The following CEP128 variants were observed in gnomAD, a reference collection of about 807,000 sequenced individuals.
CEP128 encodes the protein centrosomal protein 128kDa.
CEP128 carries 132 observed loss-of-function variants against 156.7 expected under a neutral mutation model. The ratio of observed to expected loss-of-function variants is 0.84; its 90% CI spans 0.73 to 0.97. CEP128 has a LOEUF of 0.97. Among genes scored for constraint, CEP128 ranks in the 50% least tolerant of loss-of-function variants. The pLI is 0.00. For synonymous variants in CEP128, 469 were observed against 448.9 expected, an observed-to-expected ratio of 1.04 and a Z score of -0.57; for missense variants, 1,252 against 1,281.9, an observed-to-expected ratio of 0.98 and a Z score of 0.36.
chr14:80,564,853 G>A (rs549775705), intron 20 of CEP128, among the ~76,000 whole-genome samples: 1 of 152,284 alleles, frequency 6.6e-6, no homozygotes, highest in South Asian at 2.1e-4. Context: ...GAGATCAGGA[G>A]TCTGAGACGA....
intron 2 of CEP128, 58 bp from the exon 3 acceptor site, chr14:80,916,620 AC>A: frequency 7.4e-7 from 1 of 1,345,478 alleles, no homozygotes; most frequent in South Asian, 1.3e-5. Context: ...GAAATAAAAG[AC>A]TAATACAACA....
intron 21 of CEP128, among the ~76,000 whole-genome samples, chr14:80,540,197 A>ACGC (rs1555372594): frequency 8.1e-6 from 1 of 124,192 alleles, no homozygotes; most frequent in East Asian, 2.6e-4. Context: ...CTGTTCTTAC[A>ACGC]CCCCCCCCCC....
chr14:80,953,881 A>G (rs1205604444), intron 2 of CEP128, among the ~76,000 whole-genome samples: 1 of 152,178 alleles, frequency 6.6e-6, no homozygotes, highest in Non-Finnish European at 1.5e-5. Flanking sequence ...GAATAATTAC[A>G]TATAAATACG....
chr14:80,484,298 C>G (rs1170378690), intron 14 of CEP128, among the ~76,000 whole-genome samples: 1 of 152,100 alleles, frequency 6.6e-6, no homozygotes, highest in Admixed American at 6.5e-5. Context: ...CTTATTTATA[C>G]AAATTTTTCT....
chr14:80,506,409 T>TA (rs566453923), intron 23 of CEP128, among the ~76,000 whole-genome samples: 1,023 of 64,380 alleles, frequency 0.016, 20 homozygotes, highest in African/African-American at 0.031. Context: ...AGCTTTGATT[T>TA]ATTTTTTTTT....
intron 19 of CEP128, among the ~76,000 whole-genome samples, chr14:80,691,633 T>C (rs1178181048): frequency 6.6e-6 from 1 of 152,076 alleles, no homozygotes; most frequent in Non-Finnish European, 1.5e-5. Flanking sequence ...CAAAGAAGAA[T>C]GAAAAGTAAC....
chr14:80,750,848 T>C (rs1223024625), intron 18 of CEP128, among the ~76,000 whole-genome samples: 2 of 152,210 alleles, frequency 1.3e-5, no homozygotes, highest in East Asian at 3.8e-4. Flanking sequence ...AGACTTCATA[T>C]GTTGAAGCTC....
chr14:80,790,703 A>G (rs1444979693), intron 14 of CEP128, among the ~76,000 whole-genome samples: 1 of 152,164 alleles, frequency 6.6e-6, no homozygotes, highest in Non-Finnish European at 1.5e-5. Context: ...AGCAGGAAAA[A>G]AGAAATAAAT....
At chr14:80,915,760 A>C (rs1278452885) in intron 3 of CEP128, among the ~76,000 whole-genome samples, 7 of 152,144 alleles carry the variant, frequency 4.6e-5, no homozygotes, top group Non-Finnish European at 7.3e-5. Context: ...TACTGGTTTC[A>C]CTCTCACGAT....
At chr14:80,622,887 G>T (rs1390995087) in intron 19 of CEP128, among the ~76,000 whole-genome samples, 2 of 150,352 alleles carry the variant, frequency 1.3e-5, no homozygotes, top group African/African-American at 4.9e-5. Context: ...CAACCATTGT[G>T]GAAGTCAGTG....
chr14:80,752,325 A>G (rs1027147756), intron 18 of CEP128, among the ~76,000 whole-genome samples: 5 of 152,224 alleles, frequency 3.3e-5, no homozygotes, highest in Non-Finnish European at 5.9e-5. Context: ...TAGAAATGCA[A>G]AAGTCAAATA....
chr14:80,566,685 G>A (rs895914160), intron 20 of CEP128, among the ~76,000 whole-genome samples: 2 of 152,190 alleles, frequency 1.3e-5, no homozygotes, highest in Admixed American at 6.5e-5. Context: ...AATACTCCAG[G>A]ATGGGTGGCA....
intron 19 of CEP128, among the ~76,000 whole-genome samples, chr14:80,723,213 C>T (rs773227579): frequency 4.6e-5 from 7 of 152,052 alleles, no homozygotes; most frequent in Non-Finnish European, 1.0e-4. Flanking sequence ...TATAAAAATG[C>T]CAGAATCCTT....
chr14:80,737,563 T>G (rs2139566682), intron 19 of CEP128, among the ~76,000 whole-genome samples: 1 of 152,208 alleles, frequency 6.6e-6, no homozygotes, highest in East Asian at 1.9e-4. Context: ...ATTGAACTTC[T>G]GAACAAGCTG....
chr14:80,839,054 G>A lies in CEP128; in HGVS notation c.850-776C>T, dbSNP rs568437668. 4.9e-4 allele frequency among the ~76,000 whole-genome samples: 75 copies of A among 152,176 alleles called. 1 individual carries two copies. The highest frequency in any genetic ancestry group is 1.5e-3 in the African/African-American group (62 of 41,524). Reference sequence around the variant, plus strand: ...GCAGAGCTTGCAGTGAGCCGAAATCGCGCCACTGCACTCCAGCCTGGGCAA... The same window carrying A: ...GCAGAGCTTGCAGTGAGCCGAAATCACGCCACTGCACTCCAGCCTGGGCAA... On this transcript the variant is annotated intron_variant, in intron 10 of 24. Transcript: ENST00000555265.
chr14:80,821,649 A>C (rs925342979), intron 13 of CEP128, among the ~76,000 whole-genome samples: 1 of 150,092 alleles, frequency 6.7e-6, no homozygotes, highest in Non-Finnish European at 1.5e-5. Context: ...ACACATGCAC[A>C]CAAAGCTAAG....
chr14:80,955,685 G>A (rs939356195), intron 2 of CEP128: 3 of 1,613,860 alleles, frequency 1.9e-6, no homozygotes, highest in Non-Finnish European at 2.5e-6. Context: ...TGGAAAATGA[G>A]GCCGGCGGAC....
intron 13 of CEP128, among the ~76,000 whole-genome samples, chr14:80,816,906 G>C (rs907866418): frequency 6.6e-6 from 1 of 151,500 alleles, no homozygotes; most frequent in Non-Finnish European, 1.5e-5. Flanking sequence ...CCTGCTAAGA[G>C]GTCAACTTTA....
At chr14:80,742,167 A>C in intron 19 of CEP128, among the ~76,000 whole-genome samples, 1 of 152,332 alleles carries the variant, frequency 6.6e-6, no homozygotes, top group East Asian at 1.9e-4. Flanking sequence ...ACACCAGACA[A>C]AAGATTAAAA....
Sources: gnomAD v4.1 joint callset for allele counts (sites outside exome capture counted in the v4.1 genomes callset) on GRCh38, gnomAD v4.1.1 for gene constraint, MANE v1.5 for transcripts, NCBI Gene and HGNC (gene_info 2026-07-23, HGNC 2026-07-21) for gene names.